Variants in ZDHHC9 observed in about 807,000 individuals in gnomAD.
ZDHHC9 encodes the protein palmitoyltransferase ZDHHC9.
A neutral mutation model predicts 26.6 loss-of-function variants in ZDHHC9; 3 were observed. That is an observed-to-expected ratio of 0.11 (90% CI 0.05 to 0.29). The LOEUF (loss-of-function observed/expected upper bound fraction) is 0.29. ZDHHC9 is among the 10% of genes least tolerant of loss of function. The pLI is 1.00. For synonymous variants in ZDHHC9, 111 were observed against 109.4 expected (o/e 1.01, Z -0.09); for missense variants, 146 against 296.4 (o/e 0.49, Z 3.73).
At chrX:129,833,753 C>T (rs1476730296) in intron 3 of ZDHHC9, among the ~76,000 whole-genome samples, 2 of 111,724 alleles carry the variant, frequency 1.8e-5, no homozygotes, top group African/African-American at 6.5e-5. Context: ...GGTGACTCAG[C>T]CTCTAAGGGC....
intron 7 of ZDHHC9, 110 bp downstream of exon 7, chrX:129,813,567 G>T: frequency 1.3e-6 from 1 of 795,713 alleles, no homozygotes; most frequent in Non-Finnish European, 1.9e-6. Context: ...TTTAGACCTT[G>T]GCACTCTCTG....
At chrX:129,833,365 G>T (rs768538883) in intron 3 of ZDHHC9, among the ~76,000 whole-genome samples, 16 of 111,935 alleles carry the variant, frequency 1.4e-4, no homozygotes, top group African/African-American at 4.9e-4. Context: ...CTCATGTGTC[G>T]TGTCCCATCC....
intron 3 of ZDHHC9, among the ~76,000 whole-genome samples, chrX:129,836,442 C>T (rs1928263579): frequency 9.0e-6 from 1 of 111,311 alleles, no homozygotes; most frequent in African/African-American, 3.3e-5. Context: ...CACCACCAAG[C>T]CCAGCTGACT....
Position 129,829,019 on chromosome X carries a change from G to A in ZDHHC9, c.290C>T (p.Ala97Val). 8.3e-7 allele frequency: 1 copy of A among 1,211,606 alleles called. No individual in the cohort carries two copies. The highest frequency in any genetic ancestry group is 1.1e-6 in the Non-Finnish European group (1 of 895,517). The change falls in exon 4 of 11, where the codon GCG becomes GTG. Residue 97 changes from alanine to valine, a missense_variant. Transcript: ENST00000357166. Reference sequence around the variant, plus strand: ...TATGAAAGCTGCTTCATCTGGTAGCGCCCGAGGAATCACTCCAGGGTCACT... The same window carrying A: ...TATGAAAGCTGCTTCATCTGGTAGCACCCGAGGAATCACTCCAGGGTCACT... ...SFSDPGVIPR[A>V]LPDEAAFIEM...
At chrX:129,824,305 A>G in intron 4 of ZDHHC9, among the ~76,000 whole-genome samples, 1 of 111,268 alleles carries the variant, frequency 9.0e-6, no homozygotes, top group East Asian at 2.8e-4. Context: ...TTCTTTTAAG[A>G]TGAAGTCTCG....
rs761157790 is a variant in ZDHHC9, at chrX:129,806,170, ATCT to A, written c.*197_*199del. ...TTTCCAGTTATCAGAGGTGACTGACATCTTCTGCCACTGCCTTGAGTTCAGAAA... is the reference window on the plus strand; with the variant it reads ...TTTCCAGTTATCAGAGGTGACTGACATCTGCCACTGCCTTGAGTTCAGAAA... On this transcript the variant is annotated 3_prime_UTR_variant, in exon 11 of 11. Transcript: ENST00000357166. 1.3e-5 allele frequency: 6 copies of A among 477,110 alleles called. No homozygotes were observed. The highest frequency in any genetic ancestry group is 7.1e-5 in the African/African-American group (3 of 42,123). 39.3% of individuals were successfully genotyped at this position (477,110 alleles called of 1,213,427 possible). A position where few individuals can be genotyped will look rare whatever the true frequency, so the allele number is the denominator to read the frequency against.
At position 129,804,252 on chromosome X, in the gene ZDHHC9, A is replaced by G. The variant is rs188962881; in HGVS notation, c.*2118T>C. 9.9e-5 allele frequency: 11 copies of G among 110,753 alleles called. No homozygotes were observed. The highest frequency in any genetic ancestry group is 1.7e-4 in the Non-Finnish European group (9 of 52,902). The allele number at this position is 110,753 out of a possible 1,213,427, so 9.1% of individuals were successfully genotyped here. A position where few individuals can be genotyped will look rare whatever the true frequency, so the allele number is the denominator to read the frequency against. ...CCTGGGGAAACCTAACAACTTACAA[A>G]TTCTCCAGGTTTGGCTTTATAACTT... On this transcript the variant is annotated 3_prime_UTR_variant, in exon 11 of 11. Coordinates refer to ENST00000357166, the MANE Select transcript of ZDHHC9 (RefSeq NM_016032.4).
chrX:129,835,690 G>A (rs1602962109), intron 3 of ZDHHC9, among the ~76,000 whole-genome samples: 1 of 110,903 alleles, frequency 9.0e-6, no homozygotes, highest in Non-Finnish European at 1.9e-5. Flanking sequence ...GGCTGAGGCA[G>A]GAGAATCGCT....
In ZDHHC9 at chrX:129,804,595, C is replaced by A. The variant is rs181449631; in HGVS notation, c.*1775G>T. On this transcript the variant is annotated 3_prime_UTR_variant, in exon 11 of 11. Transcript: ENST00000357166. ...CCAAGGGGGGGCCCTGATGAGCCTGCGTTAATAACTAAGACTTATTAGCAA... is the reference window on the plus strand; with the variant it reads ...CCAAGGGGGGGCCCTGATGAGCCTGAGTTAATAACTAAGACTTATTAGCAA... 1 of 111,320 alleles carries A rather than the reference C, an allele frequency of 9.0e-6. No individual in the cohort carries two copies. Among genetic ancestry groups the A allele is most frequent in the Non-Finnish European group, 1.9e-5 (1 of 53,012 alleles). 9.2% of individuals were successfully genotyped at this position (111,320 alleles called of 1,213,427 possible). A position where few individuals can be genotyped will look rare whatever the true frequency, so the allele number is the denominator to read the frequency against.
chrX:129,807,454 GA>G (rs779819713), intron 10 of ZDHHC9, among the ~76,000 whole-genome samples: 245 of 27,388 alleles, frequency 8.9e-3, no homozygotes, highest in East Asian at 0.026. Context: ...CTCCGTCTCA[GA>G]AAAAAAAAAA....
chrX:129,807,221 T>C (rs987051265), intron 10 of ZDHHC9, among the ~76,000 whole-genome samples: 1 of 102,818 alleles, frequency 9.7e-6, no homozygotes. Context: ...CCGAGGCGGG[T>C]GGATCATGAG....
intron 3 of ZDHHC9, among the ~76,000 whole-genome samples, chrX:129,829,915 C>G (rs1418379041): frequency 9.0e-6 from 1 of 111,583 alleles, no homozygotes. Context: ...ATCATTGCAA[C>G]TATAATTTAT....
In ZDHHC9 at chrX:129,806,337, T is replaced by C. The variant is rs758294636; in HGVS notation, c.*33A>G. On this transcript the variant is annotated 3_prime_UTR_variant, in exon 11 of 11. Transcript: ENST00000357166. ...ACCTGAAATCTCTCATAGCCCTAAT[T>C]AAACACAAACAAAAGTCTCTTCCAT... 3.5e-6 allele frequency: 4 copies of C among 1,150,361 alleles called. No individual in the cohort carries two copies. The highest frequency in any genetic ancestry group is 1.2e-6 in the Non-Finnish European group (1 of 839,680). The allele number at this position is 1,150,361 out of a possible 1,213,427, so 94.8% of individuals were successfully genotyped here. A position where few individuals can be genotyped will look rare whatever the true frequency, so the allele number is the denominator to read the frequency against.
At chrX:129,833,981 T>C (rs1370330633) in intron 3 of ZDHHC9, among the ~76,000 whole-genome samples, 2 of 112,414 alleles carry the variant, frequency 1.8e-5, no homozygotes, top group Admixed American at 9.4e-5. Context: ...TTACTGAATG[T>C]CTGTATCCCT....
At position 129,814,823 on chromosome X, in the gene ZDHHC9, C is replaced by T. The variant is rs898868823; in HGVS notation, c.488-28G>A. The T allele has an allele frequency of 1.7e-6, 2 of 1,207,162 alleles. No homozygotes were observed. Among genetic ancestry groups the T allele is most frequent in the African/African-American group, 3.5e-5 (2 of 56,952 alleles). ...GTGGGAGAAAGAGAGAGTCCAAAGC[C>T]AAAAGCCTCCAGAACAAAAATCAAC... On this transcript the variant is annotated intron_variant, in intron 5 of 10. Transcript: ENST00000357166.
chrX:129,825,995 C>A (rs1928009009), intron 4 of ZDHHC9, among the ~76,000 whole-genome samples: 1 of 111,921 alleles, frequency 8.9e-6, no homozygotes, highest in Admixed American at 9.5e-5. Context: ...CATGCCTGCC[C>A]ATCCGCAGCA....
At position 129,804,974 on chromosome X, in the gene ZDHHC9, A is replaced by C. The variant is rs1927478476; in HGVS notation, c.*1396T>G. 1 of 109,867 alleles carries C rather than the reference A, an allele frequency of 9.1e-6. No individual in the cohort carries two copies. Among genetic ancestry groups the C allele is most frequent in the Admixed American group, 9.8e-5 (1 of 10,250 alleles). The allele number at this position is 109,867 out of a possible 1,213,427, so 9.1% of individuals were successfully genotyped here. Reference sequence around the variant, plus strand: ...CAGTTTAATCGCCTTCAAATAGATGAAAAGTTCTGGTTTACACTCCCCCAC... The same window carrying C: ...CAGTTTAATCGCCTTCAAATAGATGCAAAGTTCTGGTTTACACTCCCCCAC... On this transcript the variant is annotated 3_prime_UTR_variant, in exon 11 of 11. Transcript: ENST00000357166.
At chrX:129,840,298 G>T (rs1346044051) in intron 3 of ZDHHC9, among the ~76,000 whole-genome samples, 1 of 107,621 alleles carries the variant, frequency 9.3e-6, no homozygotes, top group Non-Finnish European at 1.9e-5. Flanking sequence ...GTGGGGGTGG[G>T]GACAAAAAGA....
chrX:129,824,670 T>C (rs1927971342), intron 4 of ZDHHC9, among the ~76,000 whole-genome samples: 1 of 112,064 alleles, frequency 8.9e-6, no homozygotes, highest in South Asian at 3.7e-4. Context: ...TAATGAGATA[T>C]ACGAAAGATG....
Sources: allele counts gnomAD v4.1 joint callset (sites outside exome capture counted in the v4.1 genomes callset), GRCh38; gene constraint gnomAD v4.1.1; transcripts MANE v1.5; gene names NCBI Gene and HGNC (gene_info 2026-07-23, HGNC 2026-07-21).